The following ATP9B variants were observed in gnomAD, a reference collection of about 807,000 sequenced individuals.
ATP9B encodes ATPase phospholipid transporting 9B.
In ATP9B, 110 loss-of-function variants were observed where a neutral mutation model predicts 146.1. That is an observed-to-expected ratio of 0.75 (90% CI 0.65 to 0.88). ATP9B has a LOEUF of 0.88. Ranked by LOEUF, ATP9B falls within the 40% of genes least tolerant of loss-of-function variation. The pLI, the probability that ATP9B is intolerant of heterozygous loss-of-function variation, is 0.00. For synonymous variants in ATP9B, 604 were observed against 569.7 expected, an observed-to-expected ratio of 1.06 and a Z score of -0.86; for missense variants, 1,499 against 1,496.4, an observed-to-expected ratio of 1.00 and a Z score of -0.03.
At position 79,154,523 on chromosome 18, in the gene ATP9B, A is replaced by T; in HGVS notation, c.746A>T (p.Asp249Val). 1 of 1,542,708 alleles carries T rather than the reference A, an allele frequency of 6.5e-7. No individual in the cohort carries two copies. Among genetic ancestry groups the T allele is most frequent in the Non-Finnish European group, 8.7e-7 (1 of 1,153,250 alleles). Residue 249 changes from aspartate (D) to valine (V), a missense_variant, in exon 7 of 30, where the codon GAC becomes GTC. Transcript: ENST00000426216. ...TTGCAGAATCAAAGAATTCCATCGG[A>T]CATGGTGTTTCTTAGGACTTCAGAA... ...IVEKNQRIPS[D>V]MVFLRTSEKA...
In ATP9B at chr18:79,271,744, G is replaced by T. The variant is rs1211938014; in HGVS notation, c.1269-5310G>T. ...AGCAGCATGATTTATAATCCTTTGG[G>T]TATATACCCAGTAATGGGATGGCTG... On this transcript the variant is annotated intron_variant, in intron 12 of 29. Coordinates refer to ENST00000426216, the MANE Select transcript of ATP9B (RefSeq NM_198531.5). Among the ~76,000 whole-genome samples the T allele has an allele frequency of 2.6e-5, 4 of 152,232 alleles. No individual in the cohort carries two copies. The East Asian group carries it at 7.7e-4, about 29-fold the overall frequency.
intron 25 of ATP9B, among the ~76,000 whole-genome samples, chr18:79,348,703 C>T (rs978928798): frequency 1.4e-4 from 22 of 152,222 alleles, no homozygotes; most frequent in African/African-American, 4.8e-4. Flanking sequence ...GGGCTGGGCG[C>T]GGTGGCTCAC....
At chr18:79,173,997 A>G (rs1224753344) in intron 7 of ATP9B, among the ~76,000 whole-genome samples, 1 of 152,210 alleles carries the variant, frequency 6.6e-6, no homozygotes, top group Admixed American at 6.5e-5. Context: ...AAAACAGGAA[A>G]TCACCACTGT....
chr18:79,074,645 G>T (rs1334870033), intron 1 of ATP9B, among the ~76,000 whole-genome samples: 1 of 152,228 alleles, frequency 6.6e-6, no homozygotes, highest in Non-Finnish European at 1.5e-5. Flanking sequence ...CCCCTGATGG[G>T]AGAGGGGAGC....
intron 1 of ATP9B, chr18:79,078,267 C>T (rs2072857091): frequency 6.6e-6 from 1 of 152,188 alleles, no homozygotes; most frequent in African/African-American, 2.4e-5. Flanking sequence ...CTGGAGAGAC[C>T]AGACTTTTCT....
intron 15 of ATP9B, among the ~76,000 whole-genome samples, chr18:79,308,789 G>C (rs12969045): frequency 4.4e-3 from 443 of 100,908 alleles, no homozygotes; most frequent in African/African-American, 0.021. Flanking sequence ...GGGCTGAGGA[G>C]TGATCCCCAG....
At chr18:79,334,666 A>G (rs935541401) in intron 17 of ATP9B, among the ~76,000 whole-genome samples, 2 of 151,906 alleles carry the variant, frequency 1.3e-5, no homozygotes, top group African/African-American at 2.4e-5. Flanking sequence ...TCTTGTCTGC[A>G]TCCCCCAGAC....
At chr18:79,349,653 T>C (rs1159559695) in intron 25 of ATP9B, among the ~76,000 whole-genome samples, 1 of 152,184 alleles carries the variant, frequency 6.6e-6, no homozygotes, top group Non-Finnish European at 1.5e-5. Context: ...TGTGTTAGGT[T>C]TTTGTTAAAC....
At chr18:79,250,278 G>T (rs1056343384) in intron 11 of ATP9B, among the ~76,000 whole-genome samples, 1 of 152,194 alleles carries the variant, frequency 6.6e-6, no homozygotes, top group Non-Finnish European at 1.5e-5. Context: ...GTGAGGTGGT[G>T]GTTATGCATT....
In ATP9B at chr18:79,323,147, C is replaced by T. The variant is rs1397589813; in HGVS notation, c.1774-5994C>T. Among the ~76,000 whole-genome samples, 4 of 150,434 alleles carry T rather than the reference C, an allele frequency of 2.7e-5. No individual in the cohort carries two copies. The South Asian group carries it at 6.3e-4, about 24-fold the overall frequency. The stretch of plus-strand genomic sequence containing the variant: ...TTCGCGTTAGTAATCCTCCGTTTAT[C>T]GTTGCTTCGCGTTAGTAATCCTCCG... On this transcript the variant is annotated intron_variant, in intron 15 of 29. Coordinates refer to ENST00000426216, the MANE Select transcript of ATP9B (RefSeq NM_198531.5).
intron 9 of ATP9B, among the ~76,000 whole-genome samples, chr18:79,200,903 G>A (rs1177079447): frequency 6.6e-6 from 1 of 152,216 alleles, no homozygotes; most frequent in Non-Finnish European, 1.5e-5. Flanking sequence ...AGGAGCTGGT[G>A]CTGGCTGTTG....
intron 8 of ATP9B, among the ~76,000 whole-genome samples, chr18:79,192,646 T>C (rs1001691292): frequency 9.2e-5 from 14 of 152,168 alleles, no homozygotes; most frequent in Non-Finnish European, 1.6e-4. Flanking sequence ...AGCTTTCCCA[T>C]GTGATTGTAT....
chr18:79,208,678 T>C (rs554027062), intron 10 of ATP9B, among the ~76,000 whole-genome samples: 1 of 152,306 alleles, frequency 6.6e-6, no homozygotes, highest in African/African-American at 2.4e-5. Flanking sequence ...TTTGTGGGTG[T>C]TTCATGATGT....
intron 29 of ATP9B, chr18:79,375,656 G>A: frequency 1.0e-6 from 1 of 985,418 alleles, no homozygotes; most frequent in Non-Finnish European, 1.2e-6. Flanking sequence ...GAAGGGGCCG[G>A]GCATCCTGCC....
At chr18:79,327,536 A>AAC (rs2096757346) in intron 15 of ATP9B, among the ~76,000 whole-genome samples, 1 of 137,898 alleles carries the variant, frequency 7.3e-6, no homozygotes, top group Admixed American at 7.3e-5. Flanking sequence ...CTCCGTGGTT[A>AAC]GCGTGCTCTC....
In ATP9B at chr18:79,154,518, A is replaced by G. The variant is rs377626480; in HGVS notation, c.741A>G (p.Pro247=). 4 of 1,541,920 alleles carry G rather than the reference A, an allele frequency of 2.6e-6. No individual in the cohort carries two copies. Among genetic ancestry groups the G allele is most frequent in the South Asian group, 2.6e-5 (2 of 75,842 alleles). The change falls in exon 7 of 30, where the codon CCA becomes CCG. Residue 247 remains proline, a synonymous_variant. Coordinates refer to ENST00000426216, the MANE Select transcript of ATP9B (RefSeq NM_198531.5). ...GCTCTTTGCAGAATCAAAGAATTCC[A>G]TCGGACATGGTGTTTCTTAGGACTT... ...LIIVEKNQRI[P]SDMVFLRTSE...
At chr18:79,248,365 T>A (rs1326906514) in intron 11 of ATP9B, among the ~76,000 whole-genome samples, 2 of 152,212 alleles carry the variant, frequency 1.3e-5, no homozygotes, top group African/African-American at 2.4e-5. Flanking sequence ...GGTCTGAAAA[T>A]TACTTATTTT....
intron 15 of ATP9B, among the ~76,000 whole-genome samples, chr18:79,312,345 T>C (rs773652442): frequency 2.0e-5 from 3 of 152,270 alleles, no homozygotes; most frequent in Non-Finnish European, 2.9e-5. Flanking sequence ...TTTATAATTA[T>C]TCAGAGCATT....
At chr18:79,339,274 A>AGTGTGTCATGATCACAGTAGGAG (rs1555866257) in intron 19 of ATP9B, among the ~76,000 whole-genome samples, 1 of 151,814 alleles carries the variant, frequency 6.6e-6, no homozygotes, top group East Asian at 1.9e-4. Context: ...CACAGTAGGA[A>AGTGTGTCATGATCACAGTAGGAG]GTGTGTCATG....
Sources: allele counts gnomAD v4.1 joint callset (sites outside exome capture counted in the v4.1 genomes callset), GRCh38; gene constraint gnomAD v4.1.1; transcripts MANE v1.5; gene names NCBI Gene and HGNC (gene_info 2026-07-23, HGNC 2026-07-21).